Variants in ATP2A2 observed in about 807,000 individuals in gnomAD.
ATP2A2 encodes the protein ATPase sarcoplasmic/endoplasmic reticulum Ca2+ transporting 2, also known as sarcoplasmic/endoplasmic reticulum calcium ATPase 2.
Under a neutral mutation model 109.3 loss-of-function variants are expected in ATP2A2, and 14 were observed. The ratio of observed to expected loss-of-function variants is 0.13; its 90% CI spans 0.08 to 0.20. The LOEUF (loss-of-function observed/expected upper bound fraction) is 0.20, where lower values mean the gene tolerates loss of function less well. Ranked by LOEUF, ATP2A2 falls within the 10% of genes least tolerant of loss-of-function variation. The pLI is 1.00. For synonymous variants in ATP2A2, 506 were observed against 490.9 expected (o/e 1.03, Z -0.41); for missense variants, 657 against 1,321.6 (o/e 0.50, Z 7.80).
chr12:110,297,129 G>A (rs1323013834), intron 5 of ATP2A2, among the ~76,000 whole-genome samples: 2 of 152,112 alleles, frequency 1.3e-5, no homozygotes, highest in African/African-American at 4.8e-5. Context: ...ATGGTCAAGG[G>A]TAATTTCTTG....
chr12:110,290,930 T>C (rs1873202244), intron 3 of ATP2A2, among the ~76,000 whole-genome samples: 2 of 149,710 alleles, frequency 1.3e-5, no homozygotes, highest in Non-Finnish European at 3.0e-5. Context: ...TGTTTGTTTT[T>C]TGAGTTTTGC....
At chr12:110,328,740 A>AT (rs201428456) in intron 8 of ATP2A2, among the ~76,000 whole-genome samples, 1,580 of 150,926 alleles carry the variant, frequency 0.01, 34 homozygotes, top group Middle Eastern at 0.045. Context: ...TAGTTTTTTT[A>AT]TTTTTTTTTG....
intron 8 of ATP2A2, chr12:110,329,895 T>C (rs374770293): frequency 2.9e-4 from 44 of 152,382 alleles, no homozygotes; most frequent in South Asian, 2.3e-3. Flanking sequence ...AAGGTACACA[T>C]GACTCATACA....
In ATP2A2 at chr12:110,349,337, A is replaced by AACTT. The variant is rs2137885862; in HGVS notation, c.*2872_*2875dup. The AACTT allele has an allele frequency of 3.0e-6, 3 of 985,460 alleles. No individual in the cohort carries two copies. The highest frequency in any genetic ancestry group is 2.4e-6 in the Non-Finnish European group (2 of 829,960). 61.0% of individuals were successfully genotyped at this position (985,460 alleles called of 1,614,324 possible). A position where few individuals can be genotyped will look rare whatever the true frequency, so the allele number is the denominator to read the frequency against. On this transcript the variant is annotated 3_prime_UTR_variant, in exon 20 of 20. Transcript: ENST00000539276. Reference sequence around the variant, plus strand: ...CTGCTGTCAGGCAGCTCTTGCCTGAAACTTACTTCCACATTCTTTCCTGAT... The same window carrying AACTT: ...CTGCTGTCAGGCAGCTCTTGCCTGAAACTTACTTACTTCCACATTCTTTCCTGAT...
chr12:110,349,407 C>T lies in ATP2A2; in HGVS notation c.*2937C>T. The stretch of plus-strand genomic sequence containing the variant: ...CAGCCATCAGTGTCGCTTGTTGCCA[C>T]CCCGTGCCTCCCTTGGCCTCTCTGA... On this transcript the variant is annotated 3_prime_UTR_variant, in exon 20 of 20. Coordinates refer to ENST00000539276, the MANE Select transcript of ATP2A2 (RefSeq NM_170665.4). 1 of 985,570 alleles carries T rather than the reference C, an allele frequency of 1.0e-6. No homozygotes were observed. Among genetic ancestry groups the T allele is most frequent in the Non-Finnish European group, 1.2e-6 (1 of 830,020 alleles). 61.1% of individuals were successfully genotyped at this position (985,570 alleles called of 1,614,324 possible).
chr12:110,322,508 T>C (rs906097769), intron 5 of ATP2A2, among the ~76,000 whole-genome samples: 2 of 152,166 alleles, frequency 1.3e-5, no homozygotes, highest in South Asian at 2.1e-4. Context: ...TGTGTAGTTT[T>C]ATTTTGCATT....
At chr12:110,289,767 A>G (rs1006183038) in intron 3 of ATP2A2, among the ~76,000 whole-genome samples, 7 of 152,222 alleles carry the variant, frequency 4.6e-5, no homozygotes, top group African/African-American at 1.7e-4. Flanking sequence ...CCAAGATTAA[A>G]TCATTAGATG....
intron 4 of ATP2A2, 74 bp downstream of exon 4, chr12:110,292,198 T>TA: frequency 8.9e-7 from 1 of 1,127,622 alleles, no homozygotes. Flanking sequence ...ATCTTTCTGT[T>TA]ATCTGTTTTT....
In ATP2A2 at chr12:110,347,866, A is replaced by G. The variant is rs550767066; in HGVS notation, c.*1396A>G. 1.6e-4 allele frequency: 159 copies of G among 1,006,288 alleles called. No individual in the cohort carries two copies. In the South Asian group the frequency reaches 5.9e-3, roughly 38 times the overall value. The allele number at this position is 1,006,288 out of a possible 1,614,324, so 62.3% of individuals were successfully genotyped here. A position where few individuals can be genotyped will look rare whatever the true frequency, so the allele number is the denominator to read the frequency against. On this transcript the variant is annotated 3_prime_UTR_variant, in exon 20 of 20. Transcript: ENST00000539276. ...CCACCAAGTGAGATAACTGTATGTC[A>G]CTAACTTATAAGCCGCCTCCATGGC...
In ATP2A2 at chr12:110,342,475, C is replaced by T. The variant is rs753510184; in HGVS notation, c.2318+27C>T. 5 of 1,607,302 alleles carry T rather than the reference C, an allele frequency of 3.1e-6. No homozygotes were observed. The highest frequency in any genetic ancestry group is 2.6e-6 in the Non-Finnish European group (3 of 1,175,406). ...TAGGTCTCTGTGACAGCATCACTTA[C>T]TGTACGCCTTTATCTAAATGGGTCA... On this transcript the variant is annotated intron_variant, in intron 15 of 19. Transcript: ENST00000539276. The surrounding 1 kb of genome is among the most constrained non-coding windows in gnomAD (Gnocchi z 4.6).
At chr12:110,330,074 A>G (rs576144356) in intron 8 of ATP2A2, 2 of 152,350 alleles carry the variant, frequency 1.3e-5, no homozygotes, top group East Asian at 3.9e-4. Flanking sequence ...TTAGTAACAC[A>G]GTGTTACATT....
At chr12:110,319,717 C>T (rs964995662) in intron 5 of ATP2A2, among the ~76,000 whole-genome samples, 1 of 150,852 alleles carries the variant, frequency 6.6e-6, no homozygotes, top group Admixed American at 6.6e-5. Flanking sequence ...ACCTATAGTC[C>T]TGTACTACCT....
At chr12:110,334,370 C>G in intron 11 of ATP2A2, 1 of 582,532 alleles carries the variant, frequency 1.7e-6, no homozygotes, top group East Asian at 3.3e-5. Context: ...CCCTCTGGGC[C>G]CACAGGGGCT....
chr12:110,286,564 A>C (rs1872681405), intron 3 of ATP2A2, among the ~76,000 whole-genome samples: 1 of 152,214 alleles, frequency 6.6e-6, no homozygotes, highest in Non-Finnish European at 1.5e-5. Context: ...CTGGATCAGA[A>C]GGGAACGAGT....
intron 5 of ATP2A2, among the ~76,000 whole-genome samples, chr12:110,303,705 C>T (rs141147622): frequency 0.027 from 4,174 of 152,154 alleles, 81 homozygotes; most frequent in Middle Eastern, 0.078. Context: ...TGAGCCACCG[C>T]GCCCAGCCAC....
Position 110,281,905 on chromosome 12 carries a change from A to G in ATP2A2, c.116A>G (p.Asn39Ser). The G allele has an allele frequency of 1.3e-6, 2 of 1,577,238 alleles. No homozygotes were observed. The stretch of plus-strand genomic sequence containing the variant: ...AAGCTTAAGGAGAGATGGGGCTCCA[A>G]CGGTAGGTGCAGGGCGCTCCGCTGC... ...VKKLKERWGS[N>S]ELPAEEGKTL... The change falls in exon 1 of 20, where the codon AAC (asparagine) becomes AGC (serine). Residue 39 changes from asparagine to serine, a missense_variant and splice_region_variant. Physicochemically the swap from Asn to Ser is conservative, Grantham distance 46 (BLOSUM62 1). Around this residue, in one of 9 missense-constraint regions of ATP2A2, gnomAD observed 64 missense variants for 65.4 expected, o/e 0.98. Coordinates refer to ENST00000539276, the MANE Select transcript of ATP2A2 (RefSeq NM_170665.4).
chr12:110,305,968 C>CG (rs901295296), intron 5 of ATP2A2, among the ~76,000 whole-genome samples: 3 of 150,158 alleles, frequency 2.0e-5, no homozygotes, highest in Middle Eastern at 3.2e-3. Context: ...GCATTTTTGG[C>CG]GGGGGGAATA....
At position 110,350,263 on chromosome 12, in the gene ATP2A2, A is replaced by G; in HGVS notation, c.*3793A>G. ...AACGTTTCCTCTCTGTATTTCATGAAGCTGATTTCCTCTCTCTTTCCTTTT... is the reference window on the plus strand; with the variant it reads ...AACGTTTCCTCTCTGTATTTCATGAGGCTGATTTCCTCTCTCTTTCCTTTT... On this transcript the variant is annotated 3_prime_UTR_variant, in exon 20 of 20. Transcript: ENST00000539276. The G allele has an allele frequency of 1.2e-6, 2 of 1,614,204 alleles. No homozygotes were observed. Among genetic ancestry groups the G allele is most frequent in the Non-Finnish European group, 8.5e-7 (1 of 1,180,042 alleles).
At chr12:110,306,700 A>C (rs893632791) in intron 5 of ATP2A2, among the ~76,000 whole-genome samples, 4 of 152,178 alleles carry the variant, frequency 2.6e-5, no homozygotes, top group African/African-American at 9.7e-5. Context: ...ATTCTTTTGC[A>C]TGGCTGCGTA....
Sources: allele counts gnomAD v4.1 joint callset (sites outside exome capture counted in the v4.1 genomes callset), GRCh38; gene constraint gnomAD v4.1.1; regional missense constraint gnomAD v4.1.1; non-coding constraint Gnocchi (gnomAD v3.1); transcripts MANE v1.5; gene names NCBI Gene and HGNC (gene_info 2026-07-23, HGNC 2026-07-21).